The following NNMT variants were observed in gnomAD, a reference collection of about 807,000 sequenced individuals.
NNMT encodes the protein nicotinamide N-methyltransferase.
Under a neutral mutation model 11.7 loss-of-function variants are expected in NNMT, and 10 were observed. The observed-to-expected ratio is 0.85, with a 90% CI of 0.53 to 1.45. The LOEUF is 1.45. Ranked by LOEUF, NNMT falls within the 40% of genes most tolerant of loss-of-function variation. The pLI is 0.00. For synonymous variants in NNMT, 143 were observed against 133.8 expected (o/e 1.07, Z -0.48); for missense variants, 381 against 319.4 (o/e 1.19, Z -1.47).
chr11:114,308,282 C>A (rs1945510918), intron 2 of NNMT, among the ~76,000 whole-genome samples: 1 of 152,108 alleles, frequency 6.6e-6, no homozygotes, highest in South Asian at 2.1e-4. Context: ...ATTTCCTTGA[C>A]CTGTTTTGAT....
At chr11:114,305,493 GC>G (rs1247853039) in intron 2 of NNMT, among the ~76,000 whole-genome samples, 2 of 141,850 alleles carry the variant, frequency 1.4e-5, no homozygotes, top group African/African-American at 5.3e-5. Flanking sequence ...TGCTATCCAT[GC>G]CCCCTCCCCC....
At chr11:114,297,861 G>A (rs1945397277) in intron 1 of NNMT, 90 bp from the exon 2 acceptor site, 2 of 1,099,070 alleles carry the variant, frequency 1.8e-6, no homozygotes, top group African/African-American at 3.1e-5. Flanking sequence ...AGGATCGCCA[G>A]CACAGTCCCA....
upstream of NNMT, among the ~76,000 whole-genome samples, chr11:114,294,369 T>C (rs978120640): frequency 1.3e-5 from 2 of 151,252 alleles, no homozygotes; most frequent in African/African-American, 4.9e-5. Context: ...TCCCAGCTGC[T>C]TGGGAGGCTG....
chr11:114,300,340 T>C (rs1945426359), intron 2 of NNMT, among the ~76,000 whole-genome samples: 1 of 152,198 alleles, frequency 6.6e-6, no homozygotes, highest in Admixed American at 6.5e-5. Context: ...ATTATGTTGC[T>C]TAATTTCCAA....
At chr11:114,298,304 C>G in intron 2 of NNMT, 146 bp downstream of exon 2, 1 of 663,010 alleles carries the variant, frequency 1.5e-6, no homozygotes, top group South Asian at 1.9e-5. Flanking sequence ...TGAGATAGGC[C>G]CATGTGTGTG....
At chr11:114,267,612 C>T (rs775128729) in intron 2 of NNMT, among the ~76,000 whole-genome samples, 6 of 152,230 alleles carry the variant, frequency 3.9e-5, no homozygotes, top group East Asian at 1.9e-4. Context: ...ACATAATGCC[C>T]GTCACCCAGA....
At chr11:114,276,104 G>A (rs1317641546) in intron 2 of NNMT, among the ~76,000 whole-genome samples, 3 of 125,574 alleles carry the variant, frequency 2.4e-5, no homozygotes, top group Non-Finnish European at 4.7e-5. Context: ...GTGGTTTCAG[G>A]CTGCCCCCCC....
At chr11:114,279,923 G>A (rs944283163) in intron 2 of NNMT, among the ~76,000 whole-genome samples, 1 of 152,150 alleles carries the variant, frequency 6.6e-6, no homozygotes, top group African/African-American at 2.4e-5. Context: ...ACAGGAACTA[G>A]CAGGTTGCCA....
intron 2 of NNMT, among the ~76,000 whole-genome samples, chr11:114,267,280 C>CAAAT (rs1295917838): frequency 6.6e-6 from 1 of 152,216 alleles, no homozygotes; most frequent in East Asian, 1.9e-4. Context: ...AATAAATAAA[C>CAAAT]AAATAAATAA....
chr11:114,312,003 G>A (rs779056847), intron 2 of NNMT, 42 bp from the exon 3 acceptor site: 2 of 1,523,864 alleles, frequency 1.3e-6, no homozygotes, highest in Non-Finnish European at 1.8e-6. Context: ...GGTTCCCCAT[G>A]ACTGGAGTGG....
chr11:114,312,115 C>G lies in NNMT; in HGVS notation c.433C>G (p.Gln145Glu), dbSNP rs1565729940. The G allele has an allele frequency of 1.1e-5, 17 of 1,612,910 alleles. No homozygotes were observed. The highest frequency in any genetic ancestry group is 1.4e-5 in the Non-Finnish European group (17 of 1,179,288). Residue 145 changes from glutamine to glutamate, a missense_variant, in exon 3 of 3, where the codon CAG becomes GAG. Coordinates refer to ENST00000299964, the MANE Select transcript of NNMT (RefSeq NM_006169.3). ...GCAGGTGCTGAAGTGTGATGTGACT[C>G]AGAGCCAGCCACTGGGGGCCGTCCC... The part of the protein sequence containing the change: ...VKQVLKCDVT[Q>E]SQPLGAVPLP...
intron 2 of NNMT, among the ~76,000 whole-genome samples, chr11:114,267,721 C>G (rs1319370052): frequency 6.6e-6 from 1 of 152,086 alleles, no homozygotes; most frequent in East Asian, 1.9e-4. Flanking sequence ...TTTGTTTCTG[C>G]TGAAATATTT....
At chr11:114,296,202 A>T (rs1945375295), upstream of NNMT, 1 of 182,980 alleles carries the variant, frequency 5.5e-6, no homozygotes, top group African/African-American at 2.3e-5. Context: ...TGCATTAAAT[A>T]ATTTTCCTGA....
intron 2 of NNMT, among the ~76,000 whole-genome samples, chr11:114,272,533 A>C (rs917515514): frequency 2.6e-5 from 4 of 152,348 alleles, no homozygotes; most frequent in Admixed American, 6.5e-5. Flanking sequence ...TACATGGTCC[A>C]TGGTGGGAGA....
chr11:114,308,231 C>G (rs539218894), intron 2 of NNMT, among the ~76,000 whole-genome samples: 1 of 152,136 alleles, frequency 6.6e-6, no homozygotes, highest in South Asian at 2.1e-4. Flanking sequence ...GTTCCTTGCC[C>G]GTACAATTCT....
chr11:114,279,805 G>A (rs551286028), intron 2 of NNMT, among the ~76,000 whole-genome samples: 1 of 152,216 alleles, frequency 6.6e-6, no homozygotes, highest in Admixed American at 6.5e-5. Flanking sequence ...GCAGACAGTA[G>A]TGGCAGCAGT....
intron 2 of NNMT, among the ~76,000 whole-genome samples, chr11:114,303,452 T>C (rs1418902922): frequency 2.6e-5 from 4 of 152,208 alleles, no homozygotes; most frequent in Non-Finnish European, 5.9e-5. Flanking sequence ...CATTTGCTTT[T>C]GGTTTGTAAT....
Position 114,312,130 on chromosome 11 carries a change from G to A in NNMT, c.448G>A (p.Gly150Arg). The change falls in exon 3 of 3, where the codon GGG becomes AGG. Residue 150 changes from glycine (G) to arginine (R), a missense_variant. Physicochemically the swap from Gly to Arg is moderately radical, Grantham distance 125. Coordinates refer to ENST00000299964, the MANE Select transcript of NNMT (RefSeq NM_006169.3). ...KCDVTQSQPL[G>R]AVPLPPADCV... ...TGATGTGACTCAGAGCCAGCCACTG[G>A]GGGCCGTCCCCTTACCCCCGGCTGA... 6.2e-7 allele frequency: 1 copy of A among 1,613,766 alleles called. No homozygotes were observed. The highest frequency in any genetic ancestry group is 8.5e-7 in the Non-Finnish European group (1 of 1,179,754).
intron 2 of NNMT, among the ~76,000 whole-genome samples, chr11:114,280,050 C>T (rs1002755018): frequency 6.6e-6 from 1 of 152,044 alleles, no homozygotes; most frequent in Non-Finnish European, 1.5e-5. Context: ...TGGGAAACCT[C>T]GATCAGGAAA....
Sources: gnomAD v4.1 joint callset for allele counts (sites outside exome capture counted in the v4.1 genomes callset) on GRCh38, gnomAD v4.1.1 for gene constraint, MANE v1.5 for transcripts, NCBI Gene and HGNC (gene_info 2026-07-23, HGNC 2026-07-21) for gene names.